RBPJ: variants seen among roughly 807,000 people sequenced by gnomAD.
The protein encoded by RBPJ is recombining binding protein suppressor of hairless.
A neutral mutation model predicts 67.8 loss-of-function variants in RBPJ; 9 were observed. The observed-to-expected ratio is 0.13, with a 90% CI of 0.08 to 0.23. RBPJ has a LOEUF of 0.23. Among genes scored for constraint, RBPJ ranks in the 10% least tolerant of loss-of-function variants. RBPJ has a pLI of 1.00. For synonymous variants in RBPJ, 198 were observed against 203.3 expected (o/e 0.97, Z 0.22); for missense variants, 305 against 595.6 (o/e 0.51, Z 5.08).
upstream of RBPJ, among the ~76,000 whole-genome samples, chr4:26,161,639 G>T (rs1319851432): frequency 6.6e-6 from 1 of 152,216 alleles, no homozygotes; most frequent in Non-Finnish European, 1.5e-5. Flanking sequence ...ATAGCCAGAA[G>T]TAGGTCACAC....
At chr4:26,303,769 C>T (rs1722152340) in intron 1 of RBPJ, among the ~76,000 whole-genome samples, 1 of 152,058 alleles carries the variant, frequency 6.6e-6, no homozygotes, top group African/African-American at 2.4e-5. Context: ...CATACTGAGA[C>T]CCGTGTCTCT....
chr4:26,424,267 G>A lies in RBPJ; in HGVS notation c.497-75G>A. On this transcript the variant is annotated intron_variant, in intron 5 of 10. Coordinates refer to ENST00000355476, the MANE Select transcript of RBPJ (RefSeq NM_015874.6). This position sits in a 1 kb window ranked among gnomAD's most constrained non-coding sequence, Gnocchi z 5.3. ...AGAAAGAATAATTATACACTGCCAA[G>A]CAGAATTTCCTTCTTTTGCTCCCTC... 2.2e-6 allele frequency: 3 copies of A among 1,385,408 alleles called. No individual in the cohort carries two copies. The East Asian group carries it at 6.9e-5, about 32-fold the overall frequency. 85.8% of individuals were successfully genotyped at this position (1,385,408 alleles called of 1,614,324 possible).
chr4:26,398,629 T>C (rs1732415156), intron 2 of RBPJ, among the ~76,000 whole-genome samples: 1 of 152,218 alleles, frequency 6.6e-6, no homozygotes, highest in Admixed American at 6.5e-5. Flanking sequence ...GTTTTTCTTT[T>C]TGGAAACAGA....
intron 1 of RBPJ, among the ~76,000 whole-genome samples, chr4:26,289,854 A>G (rs1401672742): frequency 6.6e-6 from 1 of 150,580 alleles, no homozygotes; most frequent in African/African-American, 2.4e-5. Context: ...TGTCTGGTGG[A>G]CTGTCTCTCA....
chr4:26,370,531 G>A (rs1387636748), intron 1 of RBPJ, among the ~76,000 whole-genome samples: 1 of 152,096 alleles, frequency 6.6e-6, no homozygotes, highest in African/African-American at 2.4e-5. Flanking sequence ...CTACATCAGG[G>A]AATTTGTAAG....
intron 3 of RBPJ, among the ~76,000 whole-genome samples, chr4:26,407,060 A>C (rs1733491496): frequency 6.6e-6 from 1 of 152,248 alleles, no homozygotes; most frequent in Non-Finnish European, 1.5e-5. Context: ...GATCTTACAA[A>C]ATGAAATAAT....
intron 4 of RBPJ, 64 bp from the exon 5 acceptor site, chr4:26,420,487 G>A: frequency 8.5e-7 from 1 of 1,178,250 alleles, no homozygotes; most frequent in Non-Finnish European, 1.2e-6. Context: ...GCCATTCTGA[G>A]TTTTAGGTAC....
intron 1 of RBPJ, among the ~76,000 whole-genome samples, chr4:26,358,242 A>G (rs1382247237): frequency 6.6e-6 from 1 of 152,124 alleles, no homozygotes; most frequent in Non-Finnish European, 1.5e-5. Context: ...CATTGGAAAA[A>G]TAGCATAAAA....
intron 1 of RBPJ, among the ~76,000 whole-genome samples, chr4:26,169,967 T>G (rs1251641238): frequency 6.6e-6 from 1 of 152,128 alleles, no homozygotes; most frequent in Non-Finnish European, 1.5e-5. Context: ...ATTTTCCAGG[T>G]GCCGTCTGTC....
intron 1 of RBPJ, among the ~76,000 whole-genome samples, chr4:26,281,006 C>G (rs1276204416): frequency 6.6e-6 from 1 of 152,122 alleles, no homozygotes; most frequent in East Asian, 1.9e-4. Flanking sequence ...TGATGAGGCT[C>G]TAACTGTTTT....
intron 1 of RBPJ, among the ~76,000 whole-genome samples, chr4:26,215,156 GAGAAGGAGGATAGGGAA>G: frequency 2.3e-5 from 3 of 130,308 alleles, no homozygotes; most frequent in African/African-American, 9.6e-5. Flanking sequence ...GAGGGAGGGA[GAGAAGGAGGATAGGGAA>G]GGAGGAAGGA....
At chr4:26,190,277 A>G (rs892115065) in intron 1 of RBPJ, among the ~76,000 whole-genome samples, 1 of 152,158 alleles carries the variant, frequency 6.6e-6, no homozygotes, top group Non-Finnish European at 1.5e-5. Context: ...ATTGATCTTG[A>G]TTGAGAACAT....
chr4:26,428,598 AG>A (rs1299941545), intron 7 of RBPJ, 121 bp from the exon 8 acceptor site: 4 of 691,730 alleles, frequency 5.8e-6, no homozygotes, highest in Non-Finnish European at 7.4e-6. Context: ...ATGTAGGCAT[AG>A]GACAAATAAC....
chr4:26,171,126 T>C (rs1322970330), intron 1 of RBPJ, among the ~76,000 whole-genome samples: 1 of 152,232 alleles, frequency 6.6e-6, no homozygotes, highest in East Asian at 1.9e-4. Flanking sequence ...GTTGAAGATA[T>C]TTAGACTTAT....
upstream of RBPJ, chr4:26,163,375 C>T (rs1177618469): frequency 7.4e-6 from 1 of 135,236 alleles, no homozygotes; most frequent in East Asian, 2.0e-4. Flanking sequence ...TCCAAATCCT[C>T]TACCCCACAC....
At chr4:26,313,074 C>A (rs187850122) in intron 1 of RBPJ, among the ~76,000 whole-genome samples, 24 of 152,280 alleles carry the variant, frequency 1.6e-4, no homozygotes, top group Middle Eastern at 3.4e-3. Flanking sequence ...AGGCATATGC[C>A]ACCATGCCCA....
At chr4:26,338,953 G>A (rs757981217) in intron 1 of RBPJ, among the ~76,000 whole-genome samples, 1 of 151,440 alleles carries the variant, frequency 6.6e-6, no homozygotes, top group Non-Finnish European at 1.5e-5. Flanking sequence ...CTGAGTAGTT[G>A]GAACTACAGC....
chr4:26,205,163 C>T (rs916183490), intron 1 of RBPJ, among the ~76,000 whole-genome samples: 1 of 152,192 alleles, frequency 6.6e-6, no homozygotes, highest in Non-Finnish European at 1.5e-5. Flanking sequence ...AACAGGCATG[C>T]AGTGACAGCT....
intron 1 of RBPJ, among the ~76,000 whole-genome samples, chr4:26,231,406 T>A (rs2109205155): frequency 6.6e-6 from 1 of 150,730 alleles, no homozygotes; most frequent in South Asian, 2.1e-4. Flanking sequence ...TTACTTTTTT[T>A]AATTGCACTT....
Sources: gnomAD v4.1 joint callset for allele counts (sites outside exome capture counted in the v4.1 genomes callset) on GRCh38, gnomAD v4.1.1 for gene constraint, Gnocchi (gnomAD v3.1) non-coding constraint, MANE v1.5 for transcripts, NCBI Gene and HGNC (gene_info 2026-07-23, HGNC 2026-07-21) for gene names.